The following IPO4 variants were observed in gnomAD, a reference collection of about 807,000 sequenced individuals.
The protein encoded by IPO4 is importin 4.
Under a neutral mutation model 133.5 loss-of-function variants are expected in IPO4, and 91 were observed. The ratio of observed to expected loss-of-function variants is 0.68; its 90% CI spans 0.58 to 0.81. The LOEUF (loss-of-function observed/expected upper bound fraction) is 0.81. Among genes scored for constraint, IPO4 ranks in the 30% least tolerant of loss-of-function variants. IPO4 has a pLI of 0.00. For missense variants in IPO4, 1,279 were observed against 1,386.2 expected, an observed-to-expected ratio of 0.92 and a Z score of 1.23; for synonymous variants, 607 against 581.6, an observed-to-expected ratio of 1.04 and a Z score of -0.63.
chr14:24,183,576 G>C lies in IPO4; in HGVS notation c.2063+14C>G. Reference sequence around the variant, plus strand: ...AGGCAGGGTTTTCAGTGCCAGGGAAGGGCGAATGCTCACCTGGTGTTCACA... The same window carrying C: ...AGGCAGGGTTTTCAGTGCCAGGGAACGGCGAATGCTCACCTGGTGTTCACA... On this transcript the variant is annotated intron_variant, in intron 20 of 29. Coordinates refer to ENST00000354464, the MANE Select transcript of IPO4 (RefSeq NM_024658.4). 1 of 1,614,150 alleles carries C rather than the reference G, an allele frequency of 6.2e-7. No individual in the cohort carries two copies. Among genetic ancestry groups the C allele is most frequent in the South Asian group, 1.1e-5 (1 of 91,078 alleles).
chr14:24,181,008 C>T (rs1193569321), intron 28 of IPO4, among the ~76,000 whole-genome samples: 1 of 152,074 alleles, frequency 6.6e-6, no homozygotes, highest in Non-Finnish European at 1.5e-5. Flanking sequence ...TAAAGAAACC[C>T]AGACACTCAG....
chr14:24,187,821 A>C (rs1274449693), intron 4 of IPO4, 25 bp from the exon 5 acceptor site: 6 of 1,613,564 alleles, frequency 3.7e-6, no homozygotes, highest in Middle Eastern at 1.6e-4. Context: ...GATCTCCTCC[A>C]ATCACCCTTC....
At position 24,181,842 on chromosome 14, in the gene IPO4, G is replaced by T; in HGVS notation, c.2809C>A (p.His937Asn). 6.3e-7 allele frequency: 1 copy of T among 1,597,588 alleles called. No individual in the cohort carries two copies. The highest frequency in any genetic ancestry group is 8.5e-7 in the Non-Finnish European group (1 of 1,170,006). Reference protein sequence around the residue: ...AEHGGHPAQEHFPKLLGLLFP... With the variant: ...AEHGGHPAQENFPKLLGLLFP... Reference sequence around the variant, plus strand: ...AGGAGCCCCAGCAGCTTGGGGAAGTGTCTGGTCCACAGTCAAGGAATGGCC... The same window carrying T: ...AGGAGCCCCAGCAGCTTGGGGAAGTTTCTGGTCCACAGTCAAGGAATGGCC... Residue 937 changes from histidine (H) to asparagine (N), a missense_variant and splice_region_variant, in exon 27 of 30, where the codon CAC (histidine) becomes AAC (asparagine). Transcript: ENST00000354464.
chr14:24,181,892 C>G lies in IPO4; in HGVS notation c.2808-49G>C, dbSNP rs1392932922. The G allele has an allele frequency of 1.9e-6, 3 of 1,604,618 alleles. No individual in the cohort carries two copies. The South Asian group carries it at 3.3e-5, about 18-fold the overall frequency. On this transcript the variant is annotated intron_variant, in intron 26 of 29. Coordinates refer to ENST00000354464, the MANE Select transcript of IPO4 (RefSeq NM_024658.4). ...CACACGCTCAGGTAGACCTTGCCCA[C>G]CTGCAAGCCCTGGGGACACTCCCCC...
chr14:24,182,931 G>A (rs1019807363), intron 23 of IPO4, 45 bp downstream of exon 23: 12 of 1,612,648 alleles, frequency 7.4e-6, no homozygotes, highest in Admixed American at 5.0e-5. Context: ...GTCCCCAACC[G>A]AGGCCCAGCA....
intron 29 of IPO4, 44 bp downstream of exon 29, chr14:24,180,645 C>T: frequency 3.1e-6 from 5 of 1,613,016 alleles, no homozygotes; most frequent in Non-Finnish European, 4.2e-6. Context: ...AGCCCTGCCA[C>T]TCCCAGCCTC....
rs2039221659 is a variant in IPO4, at chr14:24,186,284, C to T, written c.1005+3G>A. On this transcript the variant is annotated splice_donor_region_variant and intron_variant, in intron 10 of 29. Coordinates refer to ENST00000354464, the MANE Select transcript of IPO4 (RefSeq NM_024658.4). ...TCCCCCTCTGTCCTGCCCCACATCTCACTTGTACAGCGAAATGCTTGGGAG... is the reference window on the plus strand; with the variant it reads ...TCCCCCTCTGTCCTGCCCCACATCTTACTTGTACAGCGAAATGCTTGGGAG... The T allele has an allele frequency of 1.9e-6, 3 of 1,605,372 alleles. No homozygotes were observed. In the East Asian group the frequency reaches 6.7e-5, roughly 36 times the overall value.
chr14:24,188,634 G>T lies in IPO4; in HGVS notation c.74C>A (p.Thr25Lys). The stretch of plus-strand genomic sequence containing the variant: ...CCGAAGAACGATCTGGAGCTGTTCC[G>T]TGGCCTGGGGGGAAGCTAGGGGTGA... Reference protein sequence around the residue: ...LPDTERIRRATEQLQIVLRAP... With the variant: ...LPDTERIRRAKEQLQIVLRAP... The change falls in exon 2 of 30, where the codon ACG (threonine) becomes AAG (lysine). Residue 25 changes from threonine (T) to lysine (K), a missense_variant. Around this residue, in one of 3 missense-constraint regions of IPO4, gnomAD observed 695 missense variants for 704.1 expected, o/e 0.99. Transcript: ENST00000354464. 1.2e-6 allele frequency: 2 copies of T among 1,610,716 alleles called. No individual in the cohort carries two copies. The highest frequency in any genetic ancestry group is 1.7e-6 in the Non-Finnish European group (2 of 1,178,586).
At chr14:24,187,910 T>C in intron 4 of IPO4, 114 bp from the exon 5 acceptor site, 1 of 1,353,312 alleles carries the variant, frequency 7.4e-7, no homozygotes, top group Non-Finnish European at 1.0e-6. Context: ...GGGCACAGGG[T>C]CTTTGCCAAG....
In IPO4 at chr14:24,184,972, C is replaced by T; in HGVS notation, c.1417G>A (p.Val473Met). 1 of 1,613,486 alleles carries T rather than the reference C, an allele frequency of 6.2e-7. No homozygotes were observed. The highest frequency in any genetic ancestry group is 8.5e-7 in the Non-Finnish European group (1 of 1,179,742). ...ENFVENLGPKVQPYLPELMEC... is the reference protein window; with the variant it reads ...ENFVENLGPKMQPYLPELMEC... ...ATAAGCTCCGGAAGGTAGGGCTGCACCTTGGGCCCTGTGGGAAAGGATGCT... is the reference window on the plus strand; with the variant it reads ...ATAAGCTCCGGAAGGTAGGGCTGCATCTTGGGCCCTGTGGGAAAGGATGCT... Residue 473 changes from valine (V) to methionine (M), a missense_variant, in exon 15 of 30, where the codon GTG becomes ATG. Val to Met is a conservative substitution (Grantham distance 21). Coordinates refer to ENST00000354464, the MANE Select transcript of IPO4 (RefSeq NM_024658.4).
chr14:24,188,113 G>T, intron 4 of IPO4, 103 bp downstream of exon 4: 12 of 1,236,536 alleles, frequency 9.7e-6, no homozygotes, highest in Non-Finnish European at 1.4e-5. Context: ...CTTGCGTCTA[G>T]AACTGAAGTC....
At chr14:24,185,358 GCA>G (rs2039204169) in intron 13 of IPO4, 46 bp from the exon 14 acceptor site, 1 of 1,613,558 alleles carries the variant, frequency 6.2e-7, no homozygotes. Flanking sequence ...CACCTGCCGG[GCA>G]CACACAAGAG....
intron 4 of IPO4, 48 bp downstream of exon 4, chr14:24,188,168 A>G: frequency 6.3e-7 from 1 of 1,590,398 alleles, no homozygotes; most frequent in East Asian, 2.3e-5. Context: ...GAAGGCAGAA[A>G]CCTAGACAAA....
chr14:24,186,464 G>C lies in IPO4; in HGVS notation c.841-13C>G. On this transcript the variant is annotated splice_polypyrimidine_tract_variant and intron_variant, in intron 9 of 29. Transcript: ENST00000354464. The stretch of plus-strand genomic sequence containing the variant: ...TCTTCAGTAAGGCCTTGACAGAGAA[G>C]GTGGAACAGTGTCCCTAAGAATCTG... 6.4e-7 allele frequency: 1 copy of C among 1,560,678 alleles called. No homozygotes were observed. Among genetic ancestry groups the C allele is most frequent in the Non-Finnish European group, 8.7e-7 (1 of 1,150,840 alleles).
chr14:24,183,857 A>G lies in IPO4; in HGVS notation c.1911T>C (p.Asp637=), dbSNP rs1219552881. 3.7e-6 allele frequency: 6 copies of G among 1,613,882 alleles called. No homozygotes were observed. In the African/African-American group the frequency reaches 4.0e-5, roughly 11 times the overall value. Residue 637 remains aspartate (D), a synonymous_variant, in exon 19 of 30, where the codon GAT becomes GAC. Transcript: ENST00000354464. ...CCTCCTCTTCTTCCCCATCACTCTCATCGTCAAACAGAAGGAAGGAGCTGC... is the reference window on the plus strand; with the variant it reads ...CCTCCTCTTCTTCCCCATCACTCTCGTCGTCAAACAGAAGGAAGGAGCTGC... ...DGSSSFLLFD[D]ESDGEEEEEL... is the part of the protein sequence containing the mutation.
chr14:24,185,304 G>T lies in IPO4; in HGVS notation c.1287C>A (p.Ile429=), dbSNP rs1173176126. 3 of 1,614,052 alleles carry T rather than the reference G, an allele frequency of 1.9e-6. No individual in the cohort carries two copies. The African/African-American group carries it at 4.0e-5, about 22-fold the overall frequency. Residue 429 remains isoleucine (I), a synonymous_variant, in exon 14 of 30, where the codon ATC becomes ATA. Coordinates refer to ENST00000354464, the MANE Select transcript of IPO4 (RefSeq NM_024658.4). The part of the protein sequence containing the change: ...GQFSENLQPH[I]SSYSREVMPL... ...GCATTACCTCCCTTGAATAGCTGCT[G>T]ATATGGGGCTGGGGGAGGGAGCAAG...
Position 24,186,393 on chromosome 14 carries a change from G to T in IPO4, c.899C>A (p.Ala300Asp). The T allele has an allele frequency of 1.2e-6, 2 of 1,612,344 alleles. No individual in the cohort carries two copies. Among genetic ancestry groups the T allele is most frequent in the Non-Finnish European group, 1.7e-6 (2 of 1,179,022 alleles). The part of the protein sequence containing the change: ...PLLHTLFPIV[A>D]AEPPPGQLDP... The stretch of plus-strand genomic sequence containing the variant: ...CAACTGGCCTGGTGGGGGCTCAGCA[G>T]CCACAATGGGGAAAAGGGTGTGCAG... Residue 300 changes from alanine (A) to aspartate (D), a missense_variant, in exon 10 of 30, where the codon GCT becomes GAT. Coordinates refer to ENST00000354464, the MANE Select transcript of IPO4 (RefSeq NM_024658.4).
rs10136840 is a variant in IPO4 at position 24,186,119 on chromosome 14, C to T, written c.1059+10G>A. ...AGGTAGGGACACCAGAAGGACAGAG[C>T]CACACTTACCAGCTGGGGACAGAGC... On this transcript the variant is annotated intron_variant, in intron 11 of 29. Coordinates refer to ENST00000354464, the MANE Select transcript of IPO4 (RefSeq NM_024658.4). 5,165 of 1,613,416 alleles carry T rather than the reference C, an allele frequency of 3.2e-3. 116 individuals carry two copies. The African/African-American group carries it at 0.053, about 17-fold the overall frequency.
chr14:24,182,677 C>T (rs921680088), intron 24 of IPO4, 115 bp downstream of exon 24: 24 of 1,194,228 alleles, frequency 2.0e-5, no homozygotes, highest in Non-Finnish European at 2.9e-5. Flanking sequence ...TGGCCATTAC[C>T]AGTCTCTTTT....
Sources: gnomAD v4.1 joint callset for allele counts (sites outside exome capture counted in the v4.1 genomes callset) on GRCh38, gnomAD v4.1.1 for gene constraint, gnomAD v4.1.1 regional missense constraint, MANE v1.5 for transcripts, NCBI Gene and HGNC (gene_info 2026-07-23, HGNC 2026-07-21) for gene names.